DGLUCY: variants seen among roughly 807,000 people sequenced by gnomAD.
The protein encoded by DGLUCY is D-glutamate cyclase, mitochondrial.
In DGLUCY, 58 loss-of-function variants were observed where a neutral mutation model predicts 58.5. That is an observed-to-expected ratio of 0.99 (90% CI 0.80 to 1.23). DGLUCY has a LOEUF of 1.23. DGLUCY is among the 50% of genes most tolerant of loss of function. The probability of loss-of-function intolerance (pLI) is 0.00; values close to 1 mark genes in which losing one functional copy is unlikely to be tolerated. For synonymous variants in DGLUCY, 325 were observed against 314.1 expected, an observed-to-expected ratio of 1.03 and a Z score of -0.37; for missense variants, 779 against 784.7, an observed-to-expected ratio of 0.99 and a Z score of 0.09.
chr14:91,065,612 C>G (rs2043806876), intron 1 of DGLUCY, among the ~76,000 whole-genome samples: 1 of 152,158 alleles, frequency 6.6e-6, no homozygotes, highest in Admixed American at 6.5e-5. Flanking sequence ...AAGCTCCCCA[C>G]ATCATTAACC....
intron 1 of DGLUCY, among the ~76,000 whole-genome samples, chr14:91,067,677 T>C (rs1488814875): frequency 6.6e-6 from 1 of 151,994 alleles, no homozygotes; most frequent in African/African-American, 2.4e-5. Flanking sequence ...GTCTCCCAAG[T>C]AGTTGGGACT....
intron 3 of DGLUCY, among the ~76,000 whole-genome samples, chr14:91,161,994 C>T (rs2048023067): frequency 6.6e-6 from 1 of 152,102 alleles, no homozygotes; most frequent in African/African-American, 2.4e-5. Flanking sequence ...GGCAACAGAG[C>T]AGAGCAGCCA....
chr14:91,073,398 G>A (rs1206023735), intron 1 of DGLUCY, among the ~76,000 whole-genome samples: 1 of 152,216 alleles, frequency 6.6e-6, no homozygotes, highest in Non-Finnish European at 1.5e-5. Flanking sequence ...CCAAGATCGT[G>A]CCACTATACT....
At chr14:91,090,340 G>C in intron 1 of DGLUCY, among the ~76,000 whole-genome samples, 1 of 152,264 alleles carries the variant, frequency 6.6e-6, no homozygotes, top group Middle Eastern at 3.4e-3. Context: ...GAGGGTACCT[G>C]TTGAATGACA....
intron 6 of DGLUCY, among the ~76,000 whole-genome samples, chr14:91,174,039 G>A (rs1219707327): frequency 5.9e-5 from 9 of 151,936 alleles, no homozygotes; most frequent in African/African-American, 1.5e-4. Context: ...ACCCCTCCCC[G>A]CAACCTCCAG....
chr14:91,067,080 CAA>C (rs778098019), intron 1 of DGLUCY, among the ~76,000 whole-genome samples: 5 of 71,036 alleles, frequency 7.0e-5, no homozygotes, highest in Admixed American at 1.7e-4. Flanking sequence ...GACTCCATCT[CAA>C]AAAAAAAAAA....
chr14:91,159,344 G>T (rs533062608), intron 2 of DGLUCY, among the ~76,000 whole-genome samples: 1 of 152,188 alleles, frequency 6.6e-6, no homozygotes, highest in African/African-American at 2.4e-5. Flanking sequence ...ATATTCAGGT[G>T]GCTGAGGCAT....
intron 1 of DGLUCY, among the ~76,000 whole-genome samples, chr14:91,062,701 G>A (rs2140012121): frequency 6.7e-6 from 1 of 149,726 alleles, no homozygotes; most frequent in East Asian, 2.0e-4. Flanking sequence ...GGATTCGACT[G>A]CTGTGAAAGA....
At chr14:91,138,043 C>T (rs2046441603) in intron 1 of DGLUCY, among the ~76,000 whole-genome samples, 1 of 152,106 alleles carries the variant, frequency 6.6e-6, no homozygotes, top group South Asian at 2.1e-4. Flanking sequence ...TATCTATACT[C>T]ATTAGTTACA....
intron 1 of DGLUCY, among the ~76,000 whole-genome samples, chr14:91,127,675 C>T (rs553128537): frequency 2.6e-5 from 4 of 152,372 alleles, no homozygotes; most frequent in Admixed American, 6.5e-5. Context: ...CACACTGTGT[C>T]GTCCTTCTCC....
rs1051708179 is a variant in DGLUCY, at chr14:91,167,679, T to C, written c.257+301T>C. 9.9e-6 allele frequency: 7 copies of C among 703,534 alleles called. No individual in the cohort carries two copies. The African/African-American group carries it at 1.0e-4, about 11-fold the overall frequency. 43.6% of individuals were successfully genotyped at this position (703,534 alleles called of 1,614,324 possible). A position where few individuals can be genotyped will look rare whatever the true frequency, so the allele number is the denominator to read the frequency against. On this transcript the variant is annotated intron_variant, in intron 4 of 13. Coordinates refer to ENST00000256324, the MANE Select transcript of DGLUCY (RefSeq NM_001102368.3). ...CCATCGCCCAAGCCAGAAACCCGCC[T>C]GTACAGGATTAAGAAGAAAATAAAA...
At chr14:91,154,380 A>C (rs2047496225) in intron 1 of DGLUCY, among the ~76,000 whole-genome samples, 1 of 152,210 alleles carries the variant, frequency 6.6e-6, no homozygotes, top group Non-Finnish European at 1.5e-5. Flanking sequence ...GGGCAGAGGA[A>C]GCAATCAGAT....
chr14:91,089,888 T>C (rs1396117365), intron 1 of DGLUCY, among the ~76,000 whole-genome samples: 1 of 151,286 alleles, frequency 6.6e-6, no homozygotes, highest in Non-Finnish European at 1.5e-5. Flanking sequence ...AAAATTTTTA[T>C]AAAGAAAATA....
In DGLUCY at chr14:91,189,179, T is replaced by G. The variant is rs1421115885; in HGVS notation, c.1195+9T>G. 6.2e-7 allele frequency: 1 copy of G among 1,613,670 alleles called. No individual in the cohort carries two copies. The highest frequency in any genetic ancestry group is 1.1e-5 in the South Asian group (1 of 91,066). ...AGATGCTGTTGAGCAAGGTAAGCAG[T>G]GAGATGGGCTTGGTCCATTTCCCCA... is the stretch of plus-strand genomic sequence containing the variant. On this transcript the variant is annotated intron_variant, in intron 9 of 13. Coordinates refer to ENST00000256324, the MANE Select transcript of DGLUCY (RefSeq NM_001102368.3).
intron 13 of DGLUCY, among the ~76,000 whole-genome samples, chr14:91,223,245 G>T (rs1887765354): frequency 6.6e-6 from 1 of 152,196 alleles, no homozygotes; most frequent in Admixed American, 6.6e-5. Context: ...CCCCATGGGG[G>T]CAGGAACCAT....
At chr14:91,175,497 C>T (rs904537649) in intron 6 of DGLUCY, among the ~76,000 whole-genome samples, 2 of 152,090 alleles carry the variant, frequency 1.3e-5, no homozygotes, top group African/African-American at 4.8e-5. Context: ...TTATCATTAG[C>T]GGGGATGGAT....
At chr14:91,146,922 C>T (rs532873216) in intron 1 of DGLUCY, among the ~76,000 whole-genome samples, 1 of 152,196 alleles carries the variant, frequency 6.6e-6, no homozygotes, top group East Asian at 1.9e-4. Context: ...GGAAATGCAC[C>T]GAGAGCTGCC....
At chr14:91,173,236 T>C (rs1281241813) in intron 5 of DGLUCY, 53 bp from the exon 6 acceptor site, 1 of 1,601,326 alleles carries the variant, frequency 6.2e-7, no homozygotes, top group African/African-American at 1.3e-5. Context: ...CTTGGATCTG[T>C]GCTAATTCCA....
At chr14:91,111,148 G>A (rs1352870583), upstream of DGLUCY, among the ~76,000 whole-genome samples, 2 of 150,778 alleles carry the variant, frequency 1.3e-5, no homozygotes, top group Admixed American at 1.3e-4. Context: ...CCAGGATCAA[G>A]GTGCCAGTAG....
Sources: allele counts gnomAD v4.1 joint callset (sites outside exome capture counted in the v4.1 genomes callset), GRCh38; gene constraint gnomAD v4.1.1; transcripts MANE v1.5; gene names NCBI Gene and HGNC (gene_info 2026-07-23, HGNC 2026-07-21).